DLG1: variants seen among roughly 807,000 people sequenced by gnomAD.
DLG1 encodes disks large homolog 1.
In DLG1, 42 loss-of-function variants were observed where a neutral mutation model predicts 123.4. The observed-to-expected ratio is 0.34, with a 90% CI of 0.27 to 0.44. DLG1 has a LOEUF of 0.44. Among genes scored for constraint, DLG1 ranks in the 20% least tolerant of loss-of-function variants. The pLI, the probability that DLG1 is intolerant of heterozygous loss-of-function variation, is 1.00. For missense variants in DLG1, 942 were observed against 1,082.6 expected (o/e 0.87, Z 1.82); for synonymous variants, 317 against 356.2 (o/e 0.89, Z 1.24).
chr3:197,256,979 C>A (rs913232096), intron 4 of DLG1, among the ~76,000 whole-genome samples: 1 of 151,830 alleles, frequency 6.6e-6, no homozygotes, highest in South Asian at 2.1e-4. Flanking sequence ...CTAAAAAATT[C>A]TATTACAGGT....
rs1560205836 is a variant in DLG1 at position 197,296,425 on chromosome 3, T to A, written c.72A>T (p.Gln24His). Residue 24 changes from glutamine (Q) to histidine (H), a missense_variant, in exon 3 of 25, where the codon CAA becomes CAT. Physicochemically the swap from Gln to His is conservative, Grantham distance 24 (BLOSUM62 0). Coordinates refer to ENST00000667157, the MANE Select transcript of DLG1 (RefSeq NM_001366207.1). Reference protein sequence around the residue: ...LLEEYRSKLSQTEDRQLRSSI... With the variant: ...LLEEYRSKLSHTEDRQLRSSI... ...AACTTCTGAGCTGTCTGTCTTCAGT[T>A]TGGCTTAGTTTTGAACGATATTCCT... The A allele has an allele frequency of 1.2e-6, 2 of 1,613,704 alleles. No homozygotes were observed. The highest frequency in any genetic ancestry group is 4.5e-5 in the East Asian group (2 of 44,834).
At chr3:197,296,926 C>A in intron 2 of DLG1, 1 of 482,378 alleles carries the variant, frequency 2.1e-6, no homozygotes, top group Non-Finnish European at 3.7e-6. Flanking sequence ...ACTAAAACAC[C>A]AATTCAGGGT....
At chr3:197,048,686 A>G (rs1725119193) in intron 24 of DLG1, among the ~76,000 whole-genome samples, 1 of 151,866 alleles carries the variant, frequency 6.6e-6, no homozygotes, top group Non-Finnish European at 1.5e-5. Flanking sequence ...ACAGAGTTTC[A>G]CTCTTGTTGC....
intron 5 of DLG1, among the ~76,000 whole-genome samples, chr3:197,180,680 G>T (rs372174198): frequency 3.9e-5 from 6 of 152,146 alleles, no homozygotes; most frequent in African/African-American, 9.7e-5. Context: ...GGGACTGAAA[G>T]GGGTGAGGAA....
At chr3:197,046,936 A>G (rs1443973571) in intron 24 of DLG1, among the ~76,000 whole-genome samples, 1 of 142,290 alleles carries the variant, frequency 7.0e-6, no homozygotes, top group African/African-American at 2.4e-5. Flanking sequence ...ACAACAAAAA[A>G]TCCCCCCTAG....
rs1455606025 is a variant in DLG1, at chr3:197,281,498, C to G, written c.318+1181G>C. Among the ~76,000 whole-genome samples, 3 of 151,990 alleles carry G rather than the reference C, an allele frequency of 2.0e-5. No homozygotes were observed. The East Asian group carries it at 5.8e-4, about 29-fold the overall frequency. On this transcript the variant is annotated intron_variant, in intron 4 of 24. Coordinates refer to ENST00000667157, the MANE Select transcript of DLG1 (RefSeq NM_001366207.1). ...AACCACAGCAGTGACTGACTGAAGACATTTTAAAAATCCATTTGAAATAGA... is the reference window on the plus strand; with the variant it reads ...AACCACAGCAGTGACTGACTGAAGAGATTTTAAAAATCCATTTGAAATAGA...
rs932406136 is a variant in DLG1 at position 197,086,514 on chromosome 3, C to T, written c.1662-758G>A. Among the ~76,000 whole-genome samples the T allele has an allele frequency of 1.2e-3, 184 of 152,188 alleles. 2 individuals are homozygous for T. Among genetic ancestry groups the T allele is most frequent in the Non-Finnish European group, 5.1e-4 (35 of 67,986 alleles). ...ACATTTATAATATAATTTATTCATT[C>T]TTTTGTTCTAATTTGGCAACTGGAA... On this transcript the variant is annotated intron_variant, in intron 15 of 24. Transcript: ENST00000667157.
chr3:197,123,368 AGAGTT>A (rs1444058851), intron 11 of DLG1, among the ~76,000 whole-genome samples: 2 of 152,200 alleles, frequency 1.3e-5, no homozygotes, highest in South Asian at 2.1e-4. Context: ...GTAACTGATT[AGAGTT>A]ATTTCTCAAA....
intron 5 of DLG1, among the ~76,000 whole-genome samples, chr3:197,169,906 TC>T (rs1235789750): frequency 1.3e-5 from 2 of 152,154 alleles, no homozygotes; most frequent in Non-Finnish European, 2.9e-5. Context: ...ATCTTCTCCC[TC>T]CTCGTACTCT....
At chr3:197,270,631 A>G (rs1375132336) in intron 4 of DLG1, among the ~76,000 whole-genome samples, 5 of 152,154 alleles carry the variant, frequency 3.3e-5, no homozygotes, top group Non-Finnish European at 7.4e-5. Context: ...ATGGGGGGAA[A>G]CTGACTCACT....
rs533416758 is a variant in DLG1, at chr3:197,098,603, C to T, written c.1546+6300G>A. ...AGGCCGGAGTGCAGTGGTGCAATTC[C>T]GGCTCATCGCAGCTTCTGCCTCCTG... is the stretch of plus-strand genomic sequence containing the variant. On this transcript the variant is annotated intron_variant, in intron 14 of 24. Transcript: ENST00000667157. 3.9e-5 allele frequency among the ~76,000 whole-genome samples: 6 copies of T among 152,250 alleles called. No homozygotes were observed. The East Asian group carries it at 7.7e-4, about 20-fold the overall frequency.
chr3:197,261,176 T>C (rs1370566146), intron 4 of DLG1, among the ~76,000 whole-genome samples: 3 of 152,202 alleles, frequency 2.0e-5, no homozygotes, highest in African/African-American at 7.2e-5. Context: ...TCCAAGATCA[T>C]TAGGACTGGA....
intron 4 of DLG1, among the ~76,000 whole-genome samples, chr3:197,222,092 T>A (rs1409696610): frequency 1.3e-5 from 2 of 152,130 alleles, no homozygotes; most frequent in Admixed American, 1.3e-4. Context: ...ACAAACACAA[T>A]TTTTCCCCCG....
chr3:197,070,565 A>ATTTTTTTTTTTTGTTTTTTTTTTT (rs1743066838), intron 18 of DLG1: 1 of 76,190 alleles, frequency 1.3e-5, no homozygotes, highest in Non-Finnish European at 2.6e-5. Context: ...TGGAAATTTC[A>ATTTTTTTTTTTTGTTTTTTTTTTT]TTTTTTTTTT....
intron 4 of DLG1, among the ~76,000 whole-genome samples, chr3:197,200,806 T>C (rs973898317): frequency 1.3e-5 from 2 of 152,038 alleles, no homozygotes; most frequent in Non-Finnish European, 2.9e-5. Context: ...AAAATGTCCA[T>C]GACAAACTAG....
intron 10 of DLG1, among the ~76,000 whole-genome samples, chr3:197,131,974 T>C (rs1782855839): frequency 6.6e-6 from 1 of 152,196 alleles, no homozygotes; most frequent in African/African-American, 2.4e-5. Flanking sequence ...TAACACTGAT[T>C]AGAAGTGGTA....
Position 197,096,886 on chromosome 3 carries a change from CTG to C in DLG1, c.1547-5862_1547-5861del, listed in dbSNP as rs1404669715. Among the ~76,000 whole-genome samples, 7 of 152,310 alleles carry C rather than the reference CTG, an allele frequency of 4.6e-5. No individual in the cohort carries two copies. The South Asian group carries it at 1.0e-3, about 23-fold the overall frequency. ...TTCAAATAGGTTTCCATGGATTTGA[CTG>C]TGATCTTTTCCTACTGCTCATTTTA... On this transcript the variant is annotated intron_variant, in intron 14 of 24. Transcript: ENST00000667157.
chr3:197,268,700 A>C (rs1762699612), intron 4 of DLG1, among the ~76,000 whole-genome samples: 1 of 151,944 alleles, frequency 6.6e-6, no homozygotes, highest in African/African-American at 2.4e-5. Flanking sequence ...GGCTTACTGT[A>C]ACCTTTTTAC....
At chr3:197,170,305 T>C (rs1803505307) in intron 5 of DLG1, among the ~76,000 whole-genome samples, 1 of 151,842 alleles carries the variant, frequency 6.6e-6, no homozygotes, top group Non-Finnish European at 1.5e-5. Flanking sequence ...GAATTGTATT[T>C]CTGTTTTTAG....
Sources: allele counts gnomAD v4.1 joint callset (sites outside exome capture counted in the v4.1 genomes callset), GRCh38; gene constraint gnomAD v4.1.1; transcripts MANE v1.5; gene names NCBI Gene and HGNC (gene_info 2026-07-23, HGNC 2026-07-21).